The following COL1A2 variants were observed in gnomAD, a reference collection of about 807,000 sequenced individuals.
The protein encoded by COL1A2 is collagen type I alpha 2 chain, also known as collagen alpha-2(I) chain.
COL1A2 carries 49 observed loss-of-function variants against 174.3 expected under a neutral mutation model. The ratio of observed to expected loss-of-function variants is 0.28; its 90% confidence interval spans 0.22 to 0.36. The LOEUF (loss-of-function observed/expected upper bound fraction) is 0.36, where lower values mean the gene tolerates loss of function less well. Ranked by LOEUF, COL1A2 falls within the 10% of genes least tolerant of loss-of-function variation. COL1A2 has a pLI of 1.00. For synonymous variants in COL1A2, 655 were observed against 606.6 expected, an observed-to-expected ratio of 1.08 and a Z score of -1.17; for missense variants, 1,438 against 1,822.7, an observed-to-expected ratio of 0.79 and a Z score of 3.84.
chr7:94,419,432 A>G (rs1159229773), intron 33 of COL1A2, 66 bp from the exon 34 acceptor site: 9 of 1,565,620 alleles, frequency 5.7e-6, no homozygotes, highest in Non-Finnish European at 2.6e-6. Context: ...GAAAAAAAGA[A>G]TGACAAGGTT....
intron 1 of COL1A2, among the ~76,000 whole-genome samples, chr7:94,396,162 T>C (rs1458924607): frequency 3.2e-4 from 48 of 152,116 alleles, no homozygotes; most frequent in Admixed American, 3.1e-3. Flanking sequence ...GATCAGTCCG[T>C]TTTCATCTTG....
At chr7:94,413,975 TGCCTTTGGTCA>T in intron 28 of COL1A2, 28 bp downstream of exon 28, 1 of 1,593,792 alleles carries the variant, frequency 6.3e-7, no homozygotes, top group Non-Finnish European at 8.6e-7. Flanking sequence ...TATACAATAC[TGCCTTTGGTCA>T]GCCTATTGAG....
rs147592524 is a variant in COL1A2, at chr7:94,405,348, C to T, written c.486+96C>T. The T allele has an allele frequency of 3.9e-4, 468 of 1,185,480 alleles. 1 individual carries two copies. In the African/African-American group the frequency reaches 5.8e-3, roughly 15 times the overall value. The allele number at this position is 1,185,480 out of a possible 1,614,324, so 73.4% of individuals were successfully genotyped here. ...AATCTAAATGACAACATAGATGTCA[C>T]CCAAACTCATAACATGAATCGAAGG... On this transcript the variant is annotated intron_variant, in intron 10 of 51. Transcript: ENST00000297268.
chr7:94,412,368 G>A (rs1791945323), intron 24 of COL1A2, among the ~76,000 whole-genome samples: 1 of 151,658 alleles, frequency 6.6e-6, no homozygotes, highest in Non-Finnish European at 1.5e-5. Flanking sequence ...CAAGAGAAGG[G>A]AATGAGGGAA....
At chr7:94,424,525 A>G in intron 41 of COL1A2, 82 bp downstream of exon 41, 1 of 1,209,152 alleles carries the variant, frequency 8.3e-7, no homozygotes, top group Non-Finnish European at 1.2e-6. Flanking sequence ...CAGATTGATC[A>G]CTGAATAACT....
intron 4 of COL1A2, chr7:94,399,950 A>G: frequency 1.4e-5 from 8 of 584,236 alleles, no homozygotes; most frequent in South Asian, 1.1e-4. Flanking sequence ...CTGGAGCTTC[A>G]GTATGAATTA....
At chr7:94,424,643 T>C (rs1792236984) in intron 41 of COL1A2, 200 bp downstream of exon 41, 2 of 577,796 alleles carry the variant, frequency 3.5e-6, no homozygotes, top group Admixed American at 6.0e-5. Context: ...AGACACAGCT[T>C]AAAATTATGC....
intron 22 of COL1A2, 25 bp from the exon 23 acceptor site, chr7:94,411,031 C>CT: frequency 3.3e-6 from 5 of 1,509,472 alleles, no homozygotes; most frequent in Non-Finnish European, 4.6e-6. Flanking sequence ...CCTCCTCTAT[C>CT]TGTTTTTTTT....
At chr7:94,427,981 T>C (rs1792318035) in intron 49 of COL1A2, 96 bp downstream of exon 49, 4 of 1,325,960 alleles carry the variant, frequency 3.0e-6, no homozygotes, top group Admixed American at 1.9e-5. Flanking sequence ...TGCATTTGGG[T>C]AAAGATTACA....
Position 94,423,934 on chromosome 7 carries a change from T to C in COL1A2, c.2566-402T>C, listed in dbSNP as rs911007995. On this transcript the variant is annotated intron_variant, in intron 40 of 51. Transcript: ENST00000297268. The stretch of plus-strand genomic sequence containing the variant: ...TTGTGTATATACCCAGCAGTGTGAT[T>C]GCTGGATCTTATGGTAGTTCTATTT... 9.7e-5 allele frequency: 24 copies of C among 248,456 alleles called. No homozygotes were observed. In the Middle Eastern group the frequency reaches 7.5e-3, roughly 78 times the overall value. The allele number at this position is 248,456 out of a possible 1,614,324, so 15.4% of individuals were successfully genotyped here.
At chr7:94,408,448 A>G in intron 15 of COL1A2, 68 bp downstream of exon 15, 5 of 1,519,736 alleles carry the variant, frequency 3.3e-6, no homozygotes, top group Non-Finnish European at 3.7e-6. Flanking sequence ...TTCTTCATTA[A>G]TCTCTTACGA....
intron 31 of COL1A2, 79 bp from the exon 32 acceptor site, chr7:94,417,645 A>G: frequency 7.9e-7 from 1 of 1,265,134 alleles, no homozygotes; most frequent in East Asian, 2.5e-5. Context: ...TAGCTGTTTA[A>G]ATTGGAATTC....
chr7:94,415,121 C>T, intron 29 of COL1A2, 105 bp from the exon 30 acceptor site: 2 of 979,168 alleles, frequency 2.0e-6, no homozygotes, highest in Non-Finnish European at 3.3e-6. Context: ...CATGTAGATA[C>T]TGCCAGGTTT....
rs412777 is a variant in COL1A2, at chr7:94,412,625, A to C, written c.1446A>C (p.Pro482=). The change falls in exon 25 of 52, where the codon CCA becomes CCC. Residue 482 remains proline, a synonymous_variant. Transcript: ENST00000297268. ...GIDGRPGPIG[P]AGARGEPGNI... ...ACGGCAGGCCTGGCCCAATTGGCCC[A>C]GCTGGAGCAAGAGGAGAGCCTGGCA... is the stretch of plus-strand genomic sequence containing the variant. 572,365 of 1,613,478 alleles carry C rather than the reference A, an allele frequency of 0.35. 102,569 individuals are homozygous for C. The highest frequency in any genetic ancestry group is 0.36 in the Non-Finnish European group (428,489 of 1,179,748).
chr7:94,424,686 A>G, intron 41 of COL1A2: 1 of 539,178 alleles, frequency 1.9e-6, no homozygotes, highest in South Asian at 2.1e-5. Flanking sequence ...CGCACTTAGG[A>G]ATGATACAAT....
At position 94,418,654 on chromosome 7, in the gene COL1A2, A is replaced by T. The variant is rs1792092470; in HGVS notation, c.2025+102A>T. 4.5e-6 allele frequency: 4 copies of T among 898,260 alleles called. No homozygotes were observed. The South Asian group carries it at 6.0e-5, about 13-fold the overall frequency. 55.6% of individuals were successfully genotyped at this position (898,260 alleles called of 1,614,324 possible). ...TAGAACTACACACACTTTATTTATC[A>T]AGTTTAATAAAATAATATTCCTTTC... On this transcript the variant is annotated intron_variant, in intron 33 of 51. Coordinates refer to ENST00000297268, the MANE Select transcript of COL1A2 (RefSeq NM_000089.4).
chr7:94,410,642 C>T lies in COL1A2; in HGVS notation c.1197+115C>T, dbSNP rs967684339. On this transcript the variant is annotated intron_variant, in intron 21 of 51. Coordinates refer to ENST00000297268, the MANE Select transcript of COL1A2 (RefSeq NM_000089.4). ...TTTTCTTAGGCAAAAAAAGCATCTGCTTTCCATCTGCCTTATTAAATCAGT... is the reference window on the plus strand; with the variant it reads ...TTTTCTTAGGCAAAAAAAGCATCTGTTTTCCATCTGCCTTATTAAATCAGT... The T allele has an allele frequency of 1.7e-5, 17 of 980,860 alleles. 1 individual carries two copies. In the East Asian group the frequency reaches 4.2e-4, roughly 24 times the overall value. The allele number at this position is 980,860 out of a possible 1,614,324, so 60.8% of individuals were successfully genotyped here.
intron 22 of COL1A2, 47 bp from the exon 23 acceptor site, chr7:94,411,009 C>T (rs1485795101): frequency 1.1e-5 from 17 of 1,603,796 alleles, no homozygotes; most frequent in Middle Eastern, 1.6e-4. Context: ...GTGTCATTAG[C>T]TTTAGCATCC....
At chr7:94,405,750 G>C in intron 11 of COL1A2, 24 bp downstream of exon 11, 1 of 1,589,932 alleles carries the variant, frequency 6.3e-7, no homozygotes, top group Non-Finnish European at 8.6e-7. Context: ...TTACTCAGAA[G>C]AGAGAAAATG....
Sources: gnomAD v4.1 joint callset for allele counts (sites outside exome capture counted in the v4.1 genomes callset) on GRCh38, gnomAD v4.1.1 for gene constraint, MANE v1.5 for transcripts, NCBI Gene and HGNC (gene_info 2026-07-23, HGNC 2026-07-21) for gene names.